SVOPL: variants seen among roughly 807,000 people sequenced by gnomAD.
SVOPL encodes the protein SVOP like.
In SVOPL, 60 loss-of-function variants were observed where a neutral mutation model predicts 61.0. The ratio of observed to expected loss-of-function variants is 0.98; its 90% confidence interval spans 0.80 to 1.22. The LOEUF (loss-of-function observed/expected upper bound fraction) is 1.22, where lower values mean the gene tolerates loss of function less well. Ranked by LOEUF, SVOPL falls within the 50% of genes most tolerant of loss-of-function variation. The pLI is 0.00. For missense variants in SVOPL, 662 were observed against 643.9 expected (o/e 1.03, Z -0.30); for synonymous variants, 279 against 250.0 (o/e 1.12, Z -1.09).
intron 4 of SVOPL, among the ~76,000 whole-genome samples, chr7:138,665,319 G>C (rs1451055703): frequency 3.3e-5 from 5 of 151,188 alleles, no homozygotes; most frequent in Admixed American, 3.3e-4. Context: ...GGGCCTGGGA[G>C]ACAGTGACAA....
intron 13 of SVOPL, among the ~76,000 whole-genome samples, chr7:138,624,140 A>G (rs1223591220): frequency 1.3e-5 from 2 of 152,146 alleles, no homozygotes; most frequent in East Asian, 3.9e-4. Flanking sequence ...TATTCCAGGA[A>G]TTTCATGTTG....
intron 4 of SVOPL, 155 bp from the exon 5 acceptor site, chr7:138,663,300 G>A: frequency 6.9e-7 from 1 of 1,456,648 alleles, no homozygotes; most frequent in Non-Finnish European, 9.1e-7. Context: ...TTGCCCCTGA[G>A]GCCCTTCATG....
At chr7:138,615,474 G>T (rs111561546) in intron 14 of SVOPL, among the ~76,000 whole-genome samples, 4,754 of 149,164 alleles carry the variant, frequency 0.032, 276 homozygotes, top group African/African-American at 0.11. Flanking sequence ...GGAGAATGGC[G>T]TGAATCAGGA....
chr7:138,611,219 A>C (rs928407105), intron 14 of SVOPL, among the ~76,000 whole-genome samples: 1 of 152,212 alleles, frequency 6.6e-6, no homozygotes, highest in Non-Finnish European at 1.5e-5. Flanking sequence ...CTCTATTAAA[A>C]ATAAAAAAAT....
At chr7:138,684,364 C>CAAAAA (rs34602180) in intron 1 of SVOPL, among the ~76,000 whole-genome samples, 4 of 112,550 alleles carry the variant, frequency 3.6e-5, no homozygotes, top group African/African-American at 1.2e-4. Flanking sequence ...GACTCCATCT[C>CAAAAA]AAAAAAAAAA....
intron 5 of SVOPL, chr7:138,662,678 C>T (rs1257967694): frequency 2.0e-6 from 2 of 1,022,102 alleles, no homozygotes; most frequent in African/African-American, 1.7e-5. Flanking sequence ...GATATCAGAC[C>T]TCTGTTCTCA....
intron 7 of SVOPL, among the ~76,000 whole-genome samples, chr7:138,653,963 A>T (rs535784668): frequency 6.6e-6 from 1 of 150,992 alleles, no homozygotes; most frequent in Non-Finnish European, 1.5e-5. Flanking sequence ...AGAAAAGAAA[A>T]GAAAAGAAAA....
chr7:138,612,424 T>TAAAA (rs1281500368), intron 14 of SVOPL, among the ~76,000 whole-genome samples: 2 of 41,194 alleles, frequency 4.9e-5, no homozygotes, highest in Non-Finnish European at 1.0e-4. Context: ...AAAAAAAAAA[T>TAAAA]AAAATAAAAA....
chr7:138,696,303 C>T (rs296921), intron 1 of SVOPL, among the ~76,000 whole-genome samples: 73,928 of 151,730 alleles, frequency 0.49, 18,879 homozygotes, highest in African/African-American at 0.63. Context: ...TGGCTCACTA[C>T]AGCCTCAACC....
chr7:138,680,528 A>G (rs1412245489), intron 1 of SVOPL, among the ~76,000 whole-genome samples: 4 of 151,914 alleles, frequency 2.6e-5, no homozygotes, highest in African/African-American at 7.3e-5. Context: ...AACTAAGACA[A>G]GTAAAGATGG....
intron 14 of SVOPL, among the ~76,000 whole-genome samples, chr7:138,608,965 C>G (rs1798875610): frequency 6.6e-6 from 1 of 152,090 alleles, no homozygotes; most frequent in Admixed American, 6.5e-5. Flanking sequence ...CCCACCCACA[C>G]ATATATATAC....
chr7:138,622,875 T>C (rs931696026), intron 13 of SVOPL, among the ~76,000 whole-genome samples: 6 of 152,276 alleles, frequency 3.9e-5, no homozygotes, highest in Non-Finnish European at 8.8e-5. Flanking sequence ...TCAGCAAGTC[T>C]TCCTGAATAA....
At chr7:138,640,924 G>A (rs1800750943) in intron 9 of SVOPL, among the ~76,000 whole-genome samples, 1 of 151,976 alleles carries the variant, frequency 6.6e-6, no homozygotes, top group Non-Finnish European at 1.5e-5. Context: ...AGAGTTGACT[G>A]GGTTACAGTG....
intron 8 of SVOPL, among the ~76,000 whole-genome samples, chr7:138,647,441 G>C (rs1032296701): frequency 6.6e-6 from 1 of 152,092 alleles, no homozygotes; most frequent in African/African-American, 2.4e-5. Flanking sequence ...GTCTTCCTGA[G>C]AGACAGAGTA....
intron 9 of SVOPL, among the ~76,000 whole-genome samples, chr7:138,642,012 A>G (rs902632319): frequency 6.6e-6 from 1 of 150,918 alleles, no homozygotes; most frequent in Non-Finnish European, 1.5e-5. Flanking sequence ...ATTAACAAGA[A>G]GTCCCTATAT....
intron 5 of SVOPL, chr7:138,662,017 G>A (rs1802023915): frequency 1.3e-5 from 13 of 985,312 alleles, no homozygotes; most frequent in Non-Finnish European, 1.6e-5. Context: ...AGGTTTCACT[G>A]GGGGCAAAAG....
intron 1 of SVOPL, among the ~76,000 whole-genome samples, chr7:138,693,577 A>AAAGAAAGAAAGAAAGAAAG (rs1563140875): frequency 7.1e-4 from 54 of 76,094 alleles, no homozygotes; most frequent in Admixed American, 1.8e-3. Context: ...AAGAAAGAAA[A>AAAGAAAGAAAGAAAGAAAG]AAGGAAAGAA....
intron 9 of SVOPL, 132 bp from the exon 10 acceptor site, chr7:138,630,254 A>G: frequency 2.9e-6 from 2 of 697,804 alleles, no homozygotes; most frequent in South Asian, 1.7e-5. Context: ...CTCAGCTCCT[A>G]TGAGTACAGC....
intron 8 of SVOPL, among the ~76,000 whole-genome samples, chr7:138,648,569 G>A (rs138395576): frequency 0.023 from 3,492 of 149,816 alleles, 130 homozygotes; most frequent in East Asian, 0.16. Context: ...TTAGTCAGGC[G>A]CGGTGGTGGG....
Sources: allele counts gnomAD v4.1 joint callset (sites outside exome capture counted in the v4.1 genomes callset), GRCh38; gene constraint gnomAD v4.1.1; transcripts MANE v1.5; gene names NCBI Gene and HGNC (gene_info 2026-07-23, HGNC 2026-07-21).